The following EXOC6B variants were observed in gnomAD, a reference collection of about 807,000 sequenced individuals.
EXOC6B encodes SEC15 homolog B.
A neutral mutation model predicts 113.5 loss-of-function variants in EXOC6B; 54 were observed. The observed-to-expected ratio is 0.48, with a 90% CI of 0.38 to 0.60. EXOC6B has a LOEUF of 0.60. EXOC6B is among the 20% of genes least tolerant of loss of function. EXOC6B has a pLI of 0.00. For synonymous variants in EXOC6B, 357 were observed against 339.0 expected (o/e 1.05, Z -0.58); for missense variants, 797 against 977.5 (o/e 0.82, Z 2.46).
intron 1 of EXOC6B, among the ~76,000 whole-genome samples, chr2:72,807,108 A>G (rs1685623521): frequency 6.6e-6 from 1 of 152,158 alleles, no homozygotes; most frequent in Non-Finnish European, 1.5e-5. Flanking sequence ...GCCTGTGTCC[A>G]GAACGGTATT....
At chr2:72,328,485 G>A (rs1688261621) in intron 20 of EXOC6B, among the ~76,000 whole-genome samples, 1 of 152,010 alleles carries the variant, frequency 6.6e-6, no homozygotes, top group Admixed American at 6.6e-5. Context: ...ATGGGGAGAA[G>A]AGAATGTTAT....
Position 72,766,300 on chromosome 2 carries a change from G to A in EXOC6B, c.114-24831C>T, listed in dbSNP as rs78936879. On this transcript the variant is annotated intron_variant, in intron 1 of 21. Transcript: ENST00000272427. The stretch of plus-strand genomic sequence containing the variant: ...TGCCTTACCAAAAGTGGGAGCAGAG[G>A]GGAGGGACCTTCACTTAAGGAAGAA... 4.1e-3 allele frequency among the ~76,000 whole-genome samples: 630 copies of A among 152,250 alleles called. 5 individuals are homozygous for A. The highest frequency in any genetic ancestry group is 8.0e-3 in the Non-Finnish European group (542 of 68,020).
intron 6 of EXOC6B, among the ~76,000 whole-genome samples, chr2:72,690,427 C>G (rs900070254): frequency 6.6e-6 from 1 of 152,132 alleles, no homozygotes; most frequent in Non-Finnish European, 1.5e-5. Flanking sequence ...TTTAAAATAT[C>G]AGTTGATCAT....
At chr2:72,604,093 T>A (rs1413485087) in intron 6 of EXOC6B, among the ~76,000 whole-genome samples, 2 of 152,194 alleles carry the variant, frequency 1.3e-5, no homozygotes, top group African/African-American at 4.8e-5. Context: ...TAGTCCCTGG[T>A]CATTTGACAC....
intron 6 of EXOC6B, among the ~76,000 whole-genome samples, chr2:72,624,934 T>A (rs2104218957): frequency 6.6e-6 from 1 of 152,214 alleles, no homozygotes; most frequent in African/African-American, 2.4e-5. Context: ...AAGTTCAGAT[T>A]TGAAATGGAC....
chr2:72,359,123 G>A (rs1272659031), intron 19 of EXOC6B, among the ~76,000 whole-genome samples: 1 of 152,098 alleles, frequency 6.6e-6, no homozygotes, highest in Non-Finnish European at 1.5e-5. Context: ...TTTAAAATAA[G>A]CCCTTCTTTA....
intron 6 of EXOC6B, among the ~76,000 whole-genome samples, chr2:72,683,467 G>A (rs1042413643): frequency 3.9e-5 from 6 of 152,006 alleles, no homozygotes; most frequent in Non-Finnish European, 7.4e-5. Context: ...CATAGTTCAA[G>A]CCCATTTTTC....
intron 1 of EXOC6B, among the ~76,000 whole-genome samples, chr2:72,790,974 T>C (rs978279513): frequency 4.5e-4 from 68 of 152,156 alleles, no homozygotes; most frequent in Non-Finnish European, 1.5e-4. Flanking sequence ...GGAGCCATGG[T>C]GCATGGATAC....
At chr2:72,596,538 C>A (rs1404935968) in intron 6 of EXOC6B, among the ~76,000 whole-genome samples, 1 of 151,964 alleles carries the variant, frequency 6.6e-6, no homozygotes, top group Non-Finnish European at 1.5e-5. Context: ...TTGAAATATG[C>A]TCCCTCTAGT....
rs113326917 is a variant in EXOC6B at position 72,521,933 on chromosome 2, T to C, written c.916-6807A>G. On this transcript the variant is annotated intron_variant, in intron 8 of 21. Transcript: ENST00000272427. Reference sequence around the variant, plus strand: ...GGATGGTCTCAATCTCGTGACCTTGTGATCCACCTGCCTTGGCCTCCCAAA... The same window carrying C: ...GGATGGTCTCAATCTCGTGACCTTGCGATCCACCTGCCTTGGCCTCCCAAA... 4.7e-3 allele frequency among the ~76,000 whole-genome samples: 709 copies of C among 152,302 alleles called. 2 individuals carry two copies. The highest frequency in any genetic ancestry group is 8.2e-3 in the Non-Finnish European group (557 of 68,014).
intron 20 of EXOC6B, among the ~76,000 whole-genome samples, chr2:72,304,220 G>A (rs1348136282): frequency 6.6e-6 from 1 of 152,054 alleles, no homozygotes; most frequent in Non-Finnish European, 1.5e-5. Context: ...TTCTATTAAT[G>A]GATATTTAAA....
At chr2:72,460,982 G>A (rs1268602930) in intron 18 of EXOC6B, among the ~76,000 whole-genome samples, 1 of 151,592 alleles carries the variant, frequency 6.6e-6, no homozygotes, top group Non-Finnish European at 1.5e-5. Flanking sequence ...TGATAGACTG[G>A]ATTAAGAAAA....
rs556791308 is a variant in EXOC6B at position 72,456,065 on chromosome 2, G to A, written c.1980+9095C>T. Among the ~76,000 whole-genome samples, 57 of 152,192 alleles carry A rather than the reference G, an allele frequency of 3.7e-4. 1 individual carries two copies. Among genetic ancestry groups the A allele is most frequent in the African/African-American group, 1.4e-3 (57 of 41,538 alleles). On this transcript the variant is annotated intron_variant, in intron 18 of 21. Coordinates refer to ENST00000272427, the MANE Select transcript of EXOC6B (RefSeq NM_015189.3). ...CCATATTTGTTAAATGGGGAAAATAGTGACTGTCCGTATATCATAGAGGTT... is the reference window on the plus strand; with the variant it reads ...CCATATTTGTTAAATGGGGAAAATAATGACTGTCCGTATATCATAGAGGTT...
chr2:72,760,191 A>G (rs1558979844), intron 1 of EXOC6B, among the ~76,000 whole-genome samples: 1 of 152,210 alleles, frequency 6.6e-6, no homozygotes, highest in Non-Finnish European at 1.5e-5. Flanking sequence ...CATAGTTCCA[A>G]GGTCACAGAT....
At chr2:72,766,504 GA>G (rs1462468357) in intron 1 of EXOC6B, among the ~76,000 whole-genome samples, 4 of 152,018 alleles carry the variant, frequency 2.6e-5, no homozygotes, top group Admixed American at 6.6e-5. Flanking sequence ...AATACCACAA[GA>G]AAAAAGGAAA....
At chr2:72,815,384 A>T (rs1250349522) in intron 1 of EXOC6B, among the ~76,000 whole-genome samples, 1 of 151,732 alleles carries the variant, frequency 6.6e-6, no homozygotes, top group African/African-American at 2.4e-5. Flanking sequence ...CCAGCTACTC[A>T]GGAGGCTAAG....
chr2:72,183,762 AT>A (rs149454842), intron 21 of EXOC6B, among the ~76,000 whole-genome samples: 1 of 150,018 alleles, frequency 6.7e-6, no homozygotes, highest in Non-Finnish European at 1.5e-5. Context: ...AAACCGAGCC[AT>A]TTTTTTTTCT....
chr2:72,508,096 G>T (rs1306335621), intron 11 of EXOC6B, among the ~76,000 whole-genome samples: 2 of 120,948 alleles, frequency 1.7e-5, no homozygotes, highest in East Asian at 4.7e-4. Context: ...TTCACCCACA[G>T]AATGACAGTA....
chr2:72,616,414 T>C (rs886447112), intron 6 of EXOC6B, among the ~76,000 whole-genome samples: 1 of 152,166 alleles, frequency 6.6e-6, no homozygotes, highest in Non-Finnish European at 1.5e-5. Context: ...GAGCAGGGTA[T>C]GTGCATAAAA....
Sources: gnomAD v4.1 joint callset for allele counts (sites outside exome capture counted in the v4.1 genomes callset) on GRCh38, gnomAD v4.1.1 for gene constraint, MANE v1.5 for transcripts, NCBI Gene and HGNC (gene_info 2026-07-23, HGNC 2026-07-21) for gene names.